Variants in UBE2R2 observed in about 807,000 individuals in gnomAD.
The protein encoded by UBE2R2 is ubiquitin conjugating enzyme E2 R2, also known as ubiquitin-conjugating enzyme E2 R2.
In UBE2R2, 1 loss-of-function variant was observed where a neutral mutation model predicts 27.8. The ratio of observed to expected loss-of-function variants is 0.04; its 90% CI spans 0.01 to 0.17. UBE2R2 has a LOEUF of 0.17. UBE2R2 is among the 10% of genes least tolerant of loss of function. UBE2R2 has a pLI of 1.00. For missense variants in UBE2R2, 100 were observed against 291.0 expected, an observed-to-expected ratio of 0.34 and a Z score of 4.78; for synonymous variants, 106 against 113.3, an observed-to-expected ratio of 0.94 and a Z score of 0.41.
At chr9:33,910,905 C>G (rs1822468679) in intron 3 of UBE2R2, among the ~76,000 whole-genome samples, 1 of 152,110 alleles carries the variant, frequency 6.6e-6, no homozygotes, top group African/African-American at 2.4e-5. Context: ...GAGTTCATGA[C>G]CAGCCTGGCC....
At chr9:33,912,485 G>T (rs1251094251) in intron 4 of UBE2R2, among the ~76,000 whole-genome samples, 1 of 151,976 alleles carries the variant, frequency 6.6e-6, no homozygotes, top group Non-Finnish European at 1.5e-5. Context: ...TTAGCCAGGT[G>T]TGGTGGTGCA....
At chr9:33,815,249 G>T (rs560193474), upstream of UBE2R2, among the ~76,000 whole-genome samples, 2 of 152,312 alleles carry the variant, frequency 1.3e-5, no homozygotes, top group South Asian at 4.2e-4. Flanking sequence ...ATGTAGTCTG[G>T]TATCCTGGAT....
In UBE2R2 at chr9:33,843,865, A is replaced by G. The variant is rs187897843; in HGVS notation, c.177+25931A>G. Among the ~76,000 whole-genome samples, 167 of 152,330 alleles carry G rather than the reference A, an allele frequency of 1.1e-3. 1 individual carries two copies. Among genetic ancestry groups the G allele is most frequent in the African/African-American group, 3.8e-3 (160 of 41,574 alleles). On this transcript the variant is annotated intron_variant, in intron 1 of 4. Coordinates refer to ENST00000263228, the MANE Select transcript of UBE2R2 (RefSeq NM_017811.4). ...TCAGACAACCTTTGTTTTCATCCAA[A>G]TATTTTGGGTTTTACCACTGCATAA...
chr9:33,840,343 C>T (rs182914745), intron 1 of UBE2R2, among the ~76,000 whole-genome samples: 4 of 152,214 alleles, frequency 2.6e-5, no homozygotes, highest in East Asian at 3.9e-4. Context: ...GTTTTATCAC[C>T]GTGTACATTC....
chr9:33,909,224 C>T (rs1443090963), intron 3 of UBE2R2, among the ~76,000 whole-genome samples: 12 of 152,090 alleles, frequency 7.9e-5, no homozygotes, highest in Non-Finnish European at 1.6e-4. Context: ...AGGTGGCTCA[C>T]GCCTGTAGTC....
intron 1 of UBE2R2, among the ~76,000 whole-genome samples, chr9:33,883,754 A>G (rs1821786985): frequency 6.6e-6 from 1 of 151,900 alleles, no homozygotes; most frequent in African/African-American, 2.4e-5. Context: ...AATAAGGTCA[A>G]TAAATTGACC....
intron 1 of UBE2R2, among the ~76,000 whole-genome samples, chr9:33,880,761 T>G (rs1187811832): frequency 6.6e-6 from 1 of 152,162 alleles, no homozygotes; most frequent in Non-Finnish European, 1.5e-5. Context: ...TCAGATCAGC[T>G]CAGGCATTAG....
In UBE2R2 at chr9:33,917,565, GTT is replaced by G. The variant is rs1186013168; in HGVS notation, c.*332_*333del. 4 of 480,948 alleles carry G rather than the reference GTT, an allele frequency of 8.3e-6. 1 individual carries two copies. The highest frequency in any genetic ancestry group is 2.0e-5 in the African/African-American group (1 of 50,460). 29.8% of individuals were successfully genotyped at this position (480,948 alleles called of 1,614,324 possible). On this transcript the variant is annotated 3_prime_UTR_variant, in exon 5 of 5. Transcript: ENST00000263228. ...GTTCACAGCAAAACACGTTTGGTCT[GTT>G]TTTAGATTCTTGAAGAATTCAATAG...
intron 1 of UBE2R2, among the ~76,000 whole-genome samples, chr9:33,853,109 G>A (rs1245896197): frequency 6.6e-6 from 1 of 151,914 alleles, no homozygotes; most frequent in East Asian, 1.9e-4. Flanking sequence ...CCATGTGGAT[G>A]ATTTGTGTAG....
At chr9:33,905,098 A>G (rs185767555) in intron 3 of UBE2R2, among the ~76,000 whole-genome samples, 1 of 152,300 alleles carries the variant, frequency 6.6e-6, no homozygotes, top group African/African-American at 2.4e-5. Flanking sequence ...CAGAACTACT[A>G]TCTGCTATAG....
rs774918575 is a variant in UBE2R2, at chr9:33,867,225, G to A, written c.178-19656G>A. Among the ~76,000 whole-genome samples the A allele has an allele frequency of 3.9e-5, 6 of 152,022 alleles. No homozygotes were observed. The Middle Eastern group carries it at 0.01, about 260-fold the overall frequency. ...ATTTTTTGAATCTCTTTTGTGTCAG[G>A]CTTCTTTGTCATATATGTTGATGTG... On this transcript the variant is annotated intron_variant, in intron 1 of 4. Coordinates refer to ENST00000263228, the MANE Select transcript of UBE2R2 (RefSeq NM_017811.4).
rs539798911 is a variant in UBE2R2 at position 33,830,931 on chromosome 9, A to G, written c.177+12997A>G. The G allele has an allele frequency of 1.7e-4, 26 of 152,274 alleles. 1 individual carries two copies. The highest frequency in any genetic ancestry group is 6.3e-4 in the African/African-American group (26 of 41,574). The allele number at this position is 152,274 out of a possible 1,614,324, so 9.4% of individuals were successfully genotyped here. The stretch of plus-strand genomic sequence containing the variant: ...ATTGAATAATTTCTACCTTGTTGAA[A>G]TAACTGTGGTTCCATTTATAAGATA... On this transcript the variant is annotated intron_variant, in intron 1 of 4. Coordinates refer to ENST00000263228, the MANE Select transcript of UBE2R2 (RefSeq NM_017811.4).
At chr9:33,886,728 C>A (rs764637861) in intron 1 of UBE2R2, among the ~76,000 whole-genome samples, 153 bp from the exon 2 acceptor site, 2 of 151,526 alleles carry the variant, frequency 1.3e-5, no homozygotes, top group Non-Finnish European at 2.9e-5. Flanking sequence ...GACCCTGGCA[C>A]TGGGGATAAC....
At chr9:33,848,354 C>T (rs1820890590) in intron 1 of UBE2R2, among the ~76,000 whole-genome samples, 1 of 151,988 alleles carries the variant, frequency 6.6e-6, no homozygotes, top group African/African-American at 2.4e-5. Context: ...TCTTTCCATA[C>T]TTCTTAATTT....
At chr9:33,826,332 C>T (rs1308588813) in intron 1 of UBE2R2, among the ~76,000 whole-genome samples, 1 of 152,134 alleles carries the variant, frequency 6.6e-6, no homozygotes, top group African/African-American at 2.4e-5. Flanking sequence ...TAGTTCACAT[C>T]ACCAAGGTTT....
intron 1 of UBE2R2, among the ~76,000 whole-genome samples, chr9:33,876,180 G>C (rs1351202629): frequency 6.6e-6 from 1 of 152,108 alleles, no homozygotes; most frequent in Non-Finnish European, 1.5e-5. Context: ...TGACCAACAT[G>C]GTGAAACCCT....
intron 2 of UBE2R2, among the ~76,000 whole-genome samples, chr9:33,887,326 AC>A (rs1821882106): frequency 6.6e-6 from 1 of 152,206 alleles, no homozygotes; most frequent in Non-Finnish European, 1.5e-5. Flanking sequence ...AGCAAGGGTC[AC>A]CTGTTCCTAT....
intron 4 of UBE2R2, 84 bp from the exon 5 acceptor site, chr9:33,916,934 T>G (rs1461775052): frequency 6.5e-7 from 1 of 1,538,954 alleles, no homozygotes; most frequent in African/African-American, 1.4e-5. Context: ...GAGTCATAAG[T>G]AATATTGATT....
Position 33,866,456 on chromosome 9 carries a change from C to T in UBE2R2, c.178-20425C>T, listed in dbSNP as rs1360606104. On this transcript the variant is annotated intron_variant, in intron 1 of 4. Transcript: ENST00000263228. Reference sequence around the variant, plus strand: ...GTTTCACCTTGTTGGTCAGGCTGATCTCGAACTCCTGACTTCAGGCGATCC... The same window carrying T: ...GTTTCACCTTGTTGGTCAGGCTGATTTCGAACTCCTGACTTCAGGCGATCC... Among the ~76,000 whole-genome samples, 4 of 152,114 alleles carry T rather than the reference C, an allele frequency of 2.6e-5. No individual in the cohort carries two copies. In the East Asian group the frequency reaches 7.7e-4, roughly 29 times the overall value.
Sources: gnomAD v4.1 joint callset for allele counts (sites outside exome capture counted in the v4.1 genomes callset) on GRCh38, gnomAD v4.1.1 for gene constraint, MANE v1.5 for transcripts, NCBI Gene and HGNC (gene_info 2026-07-23, HGNC 2026-07-21) for gene names.